The following KCNIP4 variants were observed in gnomAD, a reference collection of about 807,000 sequenced individuals.
KCNIP4 encodes the protein potassium voltage-gated channel interacting protein 4.
KCNIP4 carries 12 observed loss-of-function variants against 34.0 expected under a neutral mutation model. The observed-to-expected ratio is 0.35, with a 90% CI of 0.23 to 0.57. The LOEUF (loss-of-function observed/expected upper bound fraction) is 0.57, where lower values mean the gene tolerates loss of function less well. Ranked by LOEUF, KCNIP4 falls within the 20% of genes least tolerant of loss-of-function variation. The probability of loss-of-function intolerance (pLI) is 0.83; values close to 1 mark genes in which losing one functional copy is unlikely to be tolerated. For missense variants in KCNIP4, 238 were observed against 311.7 expected (o/e 0.76, Z 1.78); for synonymous variants, 124 against 102.2 (o/e 1.21, Z -1.29).
At chr4:20,848,835 C>G (rs1218644048) in intron 3 of KCNIP4, among the ~76,000 whole-genome samples, 1 of 152,192 alleles carries the variant, frequency 6.6e-6, no homozygotes, top group East Asian at 1.9e-4. Context: ...ATTACTAGAT[C>G]TCTGAATTAT....
At chr4:21,103,908 A>G (rs994361772) in intron 1 of KCNIP4, among the ~76,000 whole-genome samples, 19 of 152,112 alleles carry the variant, frequency 1.2e-4, no homozygotes, top group Admixed American at 9.2e-4. Context: ...TACGAAGGAC[A>G]TGAACTCATC....
intron 1 of KCNIP4, among the ~76,000 whole-genome samples, chr4:21,418,037 A>G (rs891590219): frequency 2.6e-5 from 4 of 152,186 alleles, no homozygotes; most frequent in Non-Finnish European, 4.4e-5. Flanking sequence ...TAGTAGAACA[A>G]AGGAATTACT....
At chr4:21,062,735 G>A (rs1490980267) in intron 1 of KCNIP4, among the ~76,000 whole-genome samples, 2 of 152,124 alleles carry the variant, frequency 1.3e-5, no homozygotes, top group Non-Finnish European at 2.9e-5. Flanking sequence ...AGGCCAGCAG[G>A]TGCCAGACCC....
At chr4:21,518,306 A>T (rs1734937988) in intron 1 of KCNIP4, among the ~76,000 whole-genome samples, 1 of 152,140 alleles carries the variant, frequency 6.6e-6, no homozygotes. Flanking sequence ...GTTGCAGGAA[A>T]TTGCTTTCTT....
At chr4:20,944,723 C>A (rs1021815693) in intron 1 of KCNIP4, among the ~76,000 whole-genome samples, 2 of 152,182 alleles carry the variant, frequency 1.3e-5, no homozygotes, top group African/African-American at 4.8e-5. Context: ...CCATCTGCTG[C>A]CAGGTAGCCC....
chr4:21,424,751 G>A (rs1396634590), intron 1 of KCNIP4, among the ~76,000 whole-genome samples: 4 of 152,198 alleles, frequency 2.6e-5, no homozygotes, highest in Non-Finnish European at 4.4e-5. Context: ...ATTAAAAAGT[G>A]GAACTTTAGA....
At chr4:21,828,011 G>A (rs1249704245) in intron 1 of KCNIP4, among the ~76,000 whole-genome samples, 2 of 114,538 alleles carry the variant, frequency 1.7e-5, no homozygotes, top group African/African-American at 3.6e-5. Context: ...ATTAATGAGA[G>A]TCATGTAAAA....
At chr4:21,650,600 G>A (rs1747411644) in intron 1 of KCNIP4, among the ~76,000 whole-genome samples, 1 of 152,124 alleles carries the variant, frequency 6.6e-6, no homozygotes, top group South Asian at 2.1e-4. Context: ...ACAACCAAAG[G>A]ATATTAGACC....
intron 1 of KCNIP4, among the ~76,000 whole-genome samples, chr4:21,885,175 A>G (rs1432271652): frequency 6.6e-6 from 1 of 152,138 alleles, no homozygotes; most frequent in Admixed American, 6.6e-5. Flanking sequence ...ACAGAAAGCA[A>G]GAGGAAGAAA....
intron 3 of KCNIP4, among the ~76,000 whole-genome samples, chr4:20,829,689 T>A (rs1366554826): frequency 1.3e-5 from 2 of 152,208 alleles, no homozygotes; most frequent in Non-Finnish European, 2.9e-5. Context: ...TTATCCTTGA[T>A]AATCACTAGC....
chr4:21,801,353 G>T (rs886244732), intron 1 of KCNIP4, among the ~76,000 whole-genome samples: 1 of 152,158 alleles, frequency 6.6e-6, no homozygotes, highest in African/African-American at 2.4e-5. Context: ...TAAAACCAGT[G>T]ACCAACCTCT....
chr4:20,879,119 G>A (rs1377311241), intron 2 of KCNIP4, among the ~76,000 whole-genome samples: 2 of 152,166 alleles, frequency 1.3e-5, no homozygotes, highest in African/African-American at 4.8e-5. Context: ...TCAAAGAGCT[G>A]CGGGCAATTG....
intron 1 of KCNIP4, among the ~76,000 whole-genome samples, chr4:21,838,862 AT>A (rs1723505905): frequency 6.6e-6 from 1 of 151,996 alleles, no homozygotes; most frequent in African/African-American, 2.4e-5. Flanking sequence ...AATGAACTAA[AT>A]TTTTTCTCTT....
chr4:21,837,080 G>T (rs902754226), intron 1 of KCNIP4, among the ~76,000 whole-genome samples: 2 of 150,764 alleles, frequency 1.3e-5, no homozygotes, highest in Non-Finnish European at 3.0e-5. Flanking sequence ...ACCACGCCTG[G>T]CTAATTTTTT....
intron 1 of KCNIP4, among the ~76,000 whole-genome samples, chr4:20,969,159 T>G (rs1299705966): frequency 1.3e-5 from 2 of 152,182 alleles, no homozygotes; most frequent in East Asian, 3.9e-4. Context: ...TAATGTCTGC[T>G]TAGTACCAGA....
chr4:21,166,938 CAAAAAAAAAAAAAAAAA>C (rs55649635), intron 1 of KCNIP4, among the ~76,000 whole-genome samples: 1 of 37,544 alleles, frequency 2.7e-5, no homozygotes, highest in Non-Finnish European at 4.4e-5. Context: ...CACTCCATCT[CAAAAAAAAAAAAAAAAA>C]AAAAAAAAAG....
chr4:20,812,404 T>G (rs1715880267), intron 3 of KCNIP4, among the ~76,000 whole-genome samples: 1 of 152,116 alleles, frequency 6.6e-6, no homozygotes, highest in Non-Finnish European at 1.5e-5. Context: ...ACGATACCTT[T>G]GAGACTGGGA....
intron 1 of KCNIP4, among the ~76,000 whole-genome samples, chr4:21,710,933 C>A (rs1713674591): frequency 6.6e-6 from 1 of 152,170 alleles, no homozygotes; most frequent in South Asian, 2.1e-4. Context: ...TCAAACACTA[C>A]TGCAATAACC....
intron 1 of KCNIP4, among the ~76,000 whole-genome samples, chr4:21,929,140 A>G (rs28550890): frequency 0.053 from 8,017 of 152,180 alleles, 765 homozygotes; most frequent in African/African-American, 0.18. Flanking sequence ...CACATAAAAC[A>G]TATTAAACAC....
Sources: gnomAD v4.1 joint callset for allele counts (sites outside exome capture counted in the v4.1 genomes callset) on GRCh38, gnomAD v4.1.1 for gene constraint, MANE v1.5 for transcripts, NCBI Gene and HGNC (gene_info 2026-07-23, HGNC 2026-07-21) for gene names.